Variants in FOXP1 observed in about 807,000 individuals in gnomAD.
FOXP1 encodes forkhead box P1, also known as forkhead box protein P1.
Under a neutral mutation model 98.2 loss-of-function variants are expected in FOXP1, and 15 were observed. That is an observed-to-expected ratio of 0.15 (90% CI 0.10 to 0.24). FOXP1 has a LOEUF of 0.24. Ranked by LOEUF, FOXP1 falls within the 10% of genes least tolerant of loss-of-function variation. The probability of loss-of-function intolerance (pLI) is 1.00; values close to 1 mark genes in which losing one functional copy is unlikely to be tolerated. For missense variants in FOXP1, 633 were observed against 848.5 expected (o/e 0.75, Z 3.15); for synonymous variants, 371 against 314.5 (o/e 1.18, Z -1.90).
chr3:71,057,465 A>T (rs913859859), intron 7 of FOXP1, among the ~76,000 whole-genome samples: 6 of 148,740 alleles, frequency 4.0e-5, no homozygotes, highest in Non-Finnish European at 7.4e-5. Context: ...ATTTAAATAT[A>T]AGGCAAAAAA....
intron 2 of FOXP1, among the ~76,000 whole-genome samples, chr3:71,507,296 C>T (rs2041896623): frequency 6.6e-6 from 1 of 152,072 alleles, no homozygotes; most frequent in South Asian, 2.1e-4. Context: ...ACTTAGAATC[C>T]CTTCCAAAGA....
intron 3 of FOXP1, among the ~76,000 whole-genome samples, chr3:71,444,077 A>T (rs1287657555): frequency 8.5e-5 from 13 of 152,120 alleles, no homozygotes; most frequent in Non-Finnish European, 1.5e-5. Flanking sequence ...CCTCAAAGTG[A>T]TTTCTCTCTC....
At chr3:71,529,268 G>A (rs1249068828) in intron 2 of FOXP1, among the ~76,000 whole-genome samples, 2 of 152,206 alleles carry the variant, frequency 1.3e-5, no homozygotes, top group Admixed American at 6.5e-5. Context: ...TTCTCTTCAT[G>A]TTGATAGTTC....
chr3:71,397,076 A>G (rs1478247317), intron 3 of FOXP1, among the ~76,000 whole-genome samples: 1 of 49,836 alleles, frequency 2.0e-5, no homozygotes, highest in East Asian at 9.8e-4. Flanking sequence ...ATATATATAC[A>G]TATATATGTG....
intron 3 of FOXP1, among the ~76,000 whole-genome samples, chr3:71,392,746 CTTTT>C (rs1033831958): frequency 1.3e-5 from 2 of 152,130 alleles, no homozygotes; most frequent in African/African-American, 4.8e-5. Context: ...CGCAATCATT[CTTTT>C]TTTAACTAGT....
At chr3:71,140,623 T>C (rs919780572) in intron 6 of FOXP1, among the ~76,000 whole-genome samples, 2 of 152,212 alleles carry the variant, frequency 1.3e-5, no homozygotes, top group African/African-American at 4.8e-5. Flanking sequence ...CTTTTCAAGG[T>C]GGGAATTATC....
rs117279710 is a variant in FOXP1, at chr3:71,257,375, C to T, written c.-12+42445G>A. ...GCAGATCACCTAAGGTCAGAAGTTTCGAGACCAGCCTGGCCAACACGGTGA... is the reference window on the plus strand; with the variant it reads ...GCAGATCACCTAAGGTCAGAAGTTTTGAGACCAGCCTGGCCAACACGGTGA... On this transcript the variant is annotated intron_variant, in intron 5 of 20. Coordinates refer to ENST00000649528, the MANE Select transcript of FOXP1 (RefSeq NM_001349338.3). Among the ~76,000 whole-genome samples the T allele has an allele frequency of 9.7e-3, 1,470 of 152,004 alleles. 47 individuals carry two copies. The East Asian group carries it at 0.12, about 12-fold the overall frequency.
chr3:71,581,517 T>C, intron 2 of FOXP1, 32 bp downstream of exon 2: 2 of 985,438 alleles, frequency 2.0e-6, no homozygotes, highest in Non-Finnish European at 1.2e-6. Flanking sequence ...CCGGTGTCCC[T>C]GGACCCCGCG....
intron 3 of FOXP1, among the ~76,000 whole-genome samples, chr3:71,439,868 C>T (rs1451826854): frequency 1.3e-5 from 2 of 151,488 alleles, no homozygotes; most frequent in Non-Finnish European, 2.9e-5. Context: ...ATTGCCTGAA[C>T]CCAGGAGATG....
intron 6 of FOXP1, among the ~76,000 whole-genome samples, chr3:71,170,644 T>C (rs2061605334): frequency 6.6e-6 from 1 of 152,232 alleles, no homozygotes; most frequent in Non-Finnish European, 1.5e-5. Flanking sequence ...ATTGCTCGCG[T>C]ATTCTTAGCT....
At chr3:71,262,264 C>CAAAAAAAAAAAAAAAAAAAAAA (rs71104433) in intron 5 of FOXP1, among the ~76,000 whole-genome samples, 4 of 25,714 alleles carry the variant, frequency 1.6e-4, no homozygotes, top group African/African-American at 4.0e-4. Context: ...GACTCTGTCA[C>CAAAAAAAAAAAAAAAAAAAAAA]AAAAAAAAAA....
intron 10 of FOXP1, 38 bp from the exon 11 acceptor site, chr3:71,041,570 G>T: frequency 6.4e-7 from 1 of 1,567,200 alleles, no homozygotes; most frequent in Non-Finnish European, 8.8e-7. Context: ...TCAATTAACA[G>T]CTAATTCCGT....
chr3:71,214,626 C>A (rs1171924853), intron 5 of FOXP1, among the ~76,000 whole-genome samples: 1 of 152,198 alleles, frequency 6.6e-6, no homozygotes, highest in Non-Finnish European at 1.5e-5. Context: ...ATTAAAATTA[C>A]TAGTCTTCTT....
chr3:71,311,900 G>A (rs896145505), intron 4 of FOXP1, among the ~76,000 whole-genome samples: 4 of 152,064 alleles, frequency 2.6e-5, no homozygotes, highest in Non-Finnish European at 4.4e-5. Context: ...CCTGATATCT[G>A]CAGATCCCAG....
intron 6 of FOXP1, among the ~76,000 whole-genome samples, chr3:71,154,892 T>C (rs1440715157): frequency 6.6e-6 from 1 of 152,172 alleles, no homozygotes; most frequent in Non-Finnish European, 1.5e-5. Context: ...TTTTTAACAT[T>C]TGCAATAAGA....
At chr3:71,146,175 T>G (rs1357488861) in intron 6 of FOXP1, among the ~76,000 whole-genome samples, 1 of 152,230 alleles carries the variant, frequency 6.6e-6, no homozygotes, top group Non-Finnish European at 1.5e-5. Flanking sequence ...CTTTTAATGC[T>G]GTGACTAATG....
chr3:71,296,014 C>T (rs1200989103), intron 5 of FOXP1: 1 of 152,202 alleles, frequency 6.6e-6, no homozygotes, highest in Non-Finnish European at 1.5e-5. Flanking sequence ...TTGTAAAGCA[C>T]TCAGATCTAG....
At chr3:71,092,455 AC>A (rs945323565) in intron 7 of FOXP1, among the ~76,000 whole-genome samples, 2 of 152,106 alleles carry the variant, frequency 1.3e-5, no homozygotes, top group Non-Finnish European at 2.9e-5. Flanking sequence ...CCCTTGTGGG[AC>A]CCTAAAATCA....
At chr3:70,994,308 C>G (rs1000933797) in intron 13 of FOXP1, among the ~76,000 whole-genome samples, 12 of 151,996 alleles carry the variant, frequency 7.9e-5, no homozygotes, top group African/African-American at 2.4e-4. Context: ...AGTTTTGAAA[C>G]TGAAAATCCC....
Sources: gnomAD v4.1 joint callset for allele counts (sites outside exome capture counted in the v4.1 genomes callset) on GRCh38, gnomAD v4.1.1 for gene constraint, MANE v1.5 for transcripts, NCBI Gene and HGNC (gene_info 2026-07-23, HGNC 2026-07-21) for gene names.